IGF2R: variants seen among roughly 807,000 people sequenced by gnomAD.
IGF2R encodes insulin like growth factor 2 receptor.
A neutral mutation model predicts 270.6 loss-of-function variants in IGF2R; 91 were observed. The observed-to-expected ratio is 0.34, with a 90% CI of 0.28 to 0.40. IGF2R has a LOEUF of 0.40. Ranked by LOEUF, IGF2R falls within the 10% of genes least tolerant of loss-of-function variation. IGF2R has a pLI of 1.00. For synonymous variants in IGF2R, 1,316 were observed against 1,258.9 expected (o/e 1.05, Z -0.96); for missense variants, 2,805 against 3,188.3 (o/e 0.88, Z 2.90).
At chr6:160,104,268 T>C (rs1003671600) in intron 47 of IGF2R, among the ~76,000 whole-genome samples, 1 of 152,128 alleles carries the variant, frequency 6.6e-6, no homozygotes, top group African/African-American at 2.4e-5. Context: ...GTCCCTCCTT[T>C]GACATTCCTC....
At chr6:160,069,814 G>T (rs922818327) in intron 30 of IGF2R, 54 bp from the exon 31 acceptor site, 5 of 1,552,966 alleles carry the variant, frequency 3.2e-6, no homozygotes, top group East Asian at 2.3e-5. Flanking sequence ...ATGAAGTTCT[G>T]TTCTAGCCTG....
At chr6:160,073,108 A>C (rs1186300003) in intron 33 of IGF2R, 105 bp from the exon 34 acceptor site, 1 of 1,472,952 alleles carries the variant, frequency 6.8e-7, no homozygotes, top group Non-Finnish European at 9.3e-7. Context: ...TGAAGTTATA[A>C]GTGTTGGCTA....
chr6:160,068,044 T>C (rs1778622498), intron 29 of IGF2R, among the ~76,000 whole-genome samples: 2 of 150,042 alleles, frequency 1.3e-5, no homozygotes, highest in Non-Finnish European at 3.0e-5. Flanking sequence ...GGAAGTTATG[T>C]TGTTGCTGAT....
At chr6:160,035,828 C>T (rs548817940) in intron 10 of IGF2R, among the ~76,000 whole-genome samples, 15 of 152,204 alleles carry the variant, frequency 9.9e-5, no homozygotes, top group South Asian at 6.2e-4. Flanking sequence ...GTTGTCGCTC[C>T]GCTGCTTTAC....
At position 160,047,246 on chromosome 6, in the gene IGF2R, A is replaced by G. The variant is rs998075; in HGVS notation, c.2139A>G (p.Thr713=). The G allele has an allele frequency of 0.5, 801,939 of 1,613,148 alleles. 201,686 individuals are homozygous for G. Among genetic ancestry groups the G allele is most frequent in the East Asian group, 0.67 (30,066 of 44,858 alleles). The change falls in exon 16 of 48, where the codon ACA becomes ACG. Residue 713 remains threonine (T), a synonymous_variant. Coordinates refer to ENST00000356956, the MANE Select transcript of IGF2R (RefSeq NM_000876.4). ...GMIQLNYRGG[T]PYNNERHTPR... Reference sequence around the variant, plus strand: ...TCCAACTGAACTACAGAGGCGGCACACCCTATAACAATGAAAGACACACAC... The same window carrying G: ...TCCAACTGAACTACAGAGGCGGCACGCCCTATAACAATGAAAGACACACAC...
Position 160,104,994 on chromosome 6 carries a change from G to A in IGF2R, c.7386G>A (p.Gly2462=), listed in dbSNP as rs763034213. Residue 2462 remains glycine (G), a synonymous_variant, in exon 48 of 48, where the codon GGG becomes GGA. Transcript: ENST00000356956. The stretch of plus-strand genomic sequence containing the variant: ...TCAGGGGTGAGAAGGCGAGGAAAGG[G>A]AAGTCCAGCTCTGCACAGCAGAAGA... ...GLVRGEKARK[G]KSSSAQQKTV... 2 of 1,613,996 alleles carry A rather than the reference G, an allele frequency of 1.2e-6. No homozygotes were observed. The highest frequency in any genetic ancestry group is 3.3e-5 in the Admixed American group (2 of 60,026).
chr6:160,048,045 C>T (rs1223579457), intron 17 of IGF2R, 138 bp downstream of exon 17: 3 of 691,504 alleles, frequency 4.3e-6, no homozygotes, highest in Non-Finnish European at 7.8e-6. Flanking sequence ...GGGGCATTTT[C>T]AGCAGAGTGA....
chr6:160,089,149 C>G lies in IGF2R; in HGVS notation c.6363C>G (p.Ser2121=). ...GCACTTACTACTTCAGCTGGGACTCCCGGGCTGCCTGCGCCGTGAAGCCTC... is the reference window on the plus strand; with the variant it reads ...GCACTTACTACTTCAGCTGGGACTCGCGGGCTGCCTGCGCCGTGAAGCCTC... ...DSCTYYFSWD[S]RAACAVKPQE... The change falls in exon 43 of 48, where the codon TCC becomes TCG. Residue 2121 remains serine (S), a synonymous_variant. Transcript: ENST00000356956. 1 of 1,614,108 alleles carries G rather than the reference C, an allele frequency of 6.2e-7. No homozygotes were observed.
At chr6:159,997,636 T>A (rs1236998704) in intron 2 of IGF2R, among the ~76,000 whole-genome samples, 1 of 152,156 alleles carries the variant, frequency 6.6e-6, no homozygotes, top group Non-Finnish European at 1.5e-5. Flanking sequence ...TCCTAGCCGC[T>A]CTCTGCCCCT....
At chr6:159,970,065 C>G (rs1050231543) in intron 1 of IGF2R, among the ~76,000 whole-genome samples, 3 of 152,084 alleles carry the variant, frequency 2.0e-5, no homozygotes, top group Non-Finnish European at 4.4e-5. Flanking sequence ...AACTTCCTGC[C>G]TGGTTGCTCA....
At chr6:160,056,181 T>A (rs1309490756) in intron 19 of IGF2R, among the ~76,000 whole-genome samples, 1 of 152,252 alleles carries the variant, frequency 6.6e-6, no homozygotes, top group Non-Finnish European at 1.5e-5. Context: ...TTCTACCATT[T>A]ACTGCTGGCA....
intron 4 of IGF2R, 134 bp from the exon 5 acceptor site, chr6:160,024,437 AG>A: frequency 1.3e-6 from 1 of 786,572 alleles, no homozygotes; most frequent in East Asian, 2.5e-5. Flanking sequence ...CCTTTGCCTG[AG>A]TTCGTTATTA....
At chr6:159,986,027 G>A (rs1783877462) in intron 1 of IGF2R, among the ~76,000 whole-genome samples, 1 of 152,044 alleles carries the variant, frequency 6.6e-6, no homozygotes, top group African/African-American at 2.4e-5. Context: ...TTGTACAACT[G>A]GGACAACGGA....
Position 160,032,539 on chromosome 6 carries a change from T to A in IGF2R, c.883-12T>A. ...ATTTTTTATTTTGCTTCTTTCACAT[T>A]GTTCCTGATAGGGCACCATTCCCAA... is the stretch of plus-strand genomic sequence containing the variant. On this transcript the variant is annotated splice_polypyrimidine_tract_variant and intron_variant, in intron 7 of 47. Coordinates refer to ENST00000356956, the MANE Select transcript of IGF2R (RefSeq NM_000876.4). 1 of 1,609,498 alleles carries A rather than the reference T, an allele frequency of 6.2e-7. No homozygotes were observed. The highest frequency in any genetic ancestry group is 8.5e-7 in the Non-Finnish European group (1 of 1,177,224).
At chr6:159,981,252 TGTGCGTGA>T (rs998703092) in intron 1 of IGF2R, among the ~76,000 whole-genome samples, 3 of 152,176 alleles carry the variant, frequency 2.0e-5, no homozygotes, top group Non-Finnish European at 2.9e-5. Flanking sequence ...AGTGTGTATG[TGTGCGTGA>T]GTGCGTGTGT....
intron 10 of IGF2R, among the ~76,000 whole-genome samples, chr6:160,037,623 G>A (rs1777856841): frequency 6.6e-6 from 1 of 152,166 alleles, no homozygotes; most frequent in African/African-American, 2.4e-5. Context: ...CTAGTTTGTT[G>A]TAAAGCGATG....
intron 39 of IGF2R, among the ~76,000 whole-genome samples, chr6:160,081,696 C>A (rs1218428616): frequency 6.6e-6 from 1 of 152,194 alleles, no homozygotes; most frequent in Admixed American, 6.5e-5. Flanking sequence ...CTGCCTTCCT[C>A]CCGGGAATGC....
intron 31 of IGF2R, among the ~76,000 whole-genome samples, chr6:160,070,337 G>A (rs533415996): frequency 8.5e-5 from 13 of 152,374 alleles, no homozygotes; most frequent in African/African-American, 2.9e-4. Context: ...GGAGGAGATT[G>A]TTGTTTGACT....
chr6:160,014,340 G>A (rs1239863615), intron 4 of IGF2R, among the ~76,000 whole-genome samples: 2 of 152,144 alleles, frequency 1.3e-5, no homozygotes, highest in Non-Finnish European at 1.5e-5. Context: ...CTAAATTCGT[G>A]GTCTTATGAA....
Sources: allele counts gnomAD v4.1 joint callset (sites outside exome capture counted in the v4.1 genomes callset), GRCh38; gene constraint gnomAD v4.1.1; transcripts MANE v1.5; gene names NCBI Gene and HGNC (gene_info 2026-07-23, HGNC 2026-07-21).